The following GATB variants were observed in gnomAD, a reference collection of about 807,000 sequenced individuals.
GATB encodes glutamyl-tRNA amidotransferase subunit B.
In GATB, 39 loss-of-function variants were observed where a neutral mutation model predicts 62.3. The ratio of observed to expected loss-of-function variants is 0.63; its 90% CI spans 0.48 to 0.82. The LOEUF is 0.82. GATB is among the 40% of genes least tolerant of loss of function. The pLI is 0.00. For missense variants in GATB, 670 were observed against 684.0 expected (o/e 0.98, Z 0.23); for synonymous variants, 276 against 258.9 (o/e 1.07, Z -0.63).
At chr4:151,740,815 G>A (rs576716005) in intron 2 of GATB, among the ~76,000 whole-genome samples, 1 of 152,296 alleles carries the variant, frequency 6.6e-6, no homozygotes, top group East Asian at 1.9e-4. Flanking sequence ...ATTTCAGGCT[G>A]CGTTTTTATT....
intron 9 of GATB, among the ~76,000 whole-genome samples, chr4:151,689,377 A>G (rs1355654438): frequency 6.6e-6 from 1 of 152,134 alleles, no homozygotes; most frequent in Non-Finnish European, 1.5e-5. Flanking sequence ...TAGGCCACTT[A>G]ATAACAGGTG....
At chr4:151,691,089 C>A (rs1207866749) in intron 9 of GATB, among the ~76,000 whole-genome samples, 1 of 152,184 alleles carries the variant, frequency 6.6e-6, no homozygotes, top group African/African-American at 2.4e-5. Flanking sequence ...CTCTGGTGAA[C>A]ATGTCAGTGC....
Position 151,679,869 on chromosome 4 carries a change from C to T in GATB, c.1354G>A (p.Ala452Thr), listed in dbSNP as rs764073602. Reference protein sequence around the residue: ...SESPVTPSALAELLDLLDSRT... With the variant: ...SESPVTPSALTELLDLLDSRT... ...CTGTCCAGCAGGTCAAGAAGCTCAG[C>T]GAGTGCAGAGGGTGTGACAGGACTG... The change falls in exon 11 of 13, where the codon GCT (alanine) becomes ACT (threonine). Residue 452 changes from alanine to threonine, a missense_variant. Physicochemically the swap from Ala to Thr is moderately conservative, Grantham distance 58. Coordinates refer to ENST00000263985, the MANE Select transcript of GATB (RefSeq NM_004564.3). 14 of 1,613,890 alleles carry T rather than the reference C, an allele frequency of 8.7e-6. No individual in the cohort carries two copies. The highest frequency in any genetic ancestry group is 1.6e-4 in the Middle Eastern group (1 of 6,082).
At chr4:151,682,334 A>G (rs1044069697) in intron 10 of GATB, among the ~76,000 whole-genome samples, 3 of 152,172 alleles carry the variant, frequency 2.0e-5, no homozygotes, top group African/African-American at 7.2e-5. Flanking sequence ...GATGACAAAG[A>G]TCAGTACCTG....
chr4:151,741,392 G>A (rs1739482384), intron 2 of GATB, among the ~76,000 whole-genome samples: 1 of 152,134 alleles, frequency 6.6e-6, no homozygotes, highest in Admixed American at 6.5e-5. Context: ...ATAATTCTAA[G>A]TATAACACTG....
chr4:151,724,445 C>T (rs929932779), intron 2 of GATB: 4 of 152,218 alleles, frequency 2.6e-5, no homozygotes, highest in Non-Finnish European at 1.5e-5. Flanking sequence ...TCATGTAATT[C>T]CTCTGCTTAA....
At chr4:151,733,363 A>C (rs1177875490) in intron 2 of GATB, among the ~76,000 whole-genome samples, 2 of 152,204 alleles carry the variant, frequency 1.3e-5, no homozygotes, top group African/African-American at 4.8e-5. Context: ...AAACTAGAAA[A>C]CCTAGAAGAG....
At chr4:151,733,468 C>T (rs148800061) in intron 2 of GATB, among the ~76,000 whole-genome samples, 3 of 152,242 alleles carry the variant, frequency 2.0e-5, no homozygotes, top group East Asian at 1.9e-4. Flanking sequence ...GAGATTAAAA[C>T]GGTAATTTAA....
Position 151,670,566 on chromosome 4 carries a change from A to C in GATB, c.*608T>G, listed in dbSNP as rs1035846350. The C allele has an allele frequency of 6.6e-6, 1 of 152,168 alleles. No individual in the cohort carries two copies. The highest frequency in any genetic ancestry group is 2.4e-5 in the African/African-American group (1 of 41,416). 9.4% of individuals were successfully genotyped at this position (152,168 alleles called of 1,614,324 possible). A position where few individuals can be genotyped will look rare whatever the true frequency, so the allele number is the denominator to read the frequency against. ...GGATGGGGAGGGAGTTTAACAGGCA[A>C]TATCACTTCTACTCAGTCGATAGGT... On this transcript the variant is annotated 3_prime_UTR_variant, in exon 13 of 13. Transcript: ENST00000263985.
chr4:151,709,682 G>A lies in GATB; in HGVS notation c.764-1581C>T, dbSNP rs936895063. ...CCAAGGTGCCTCGCCCGAGGTCTCC[G>A]AACTTTAGGCTTAGGTGATAAGAGC... On this transcript the variant is annotated intron_variant, in intron 5 of 12. Coordinates refer to ENST00000263985, the MANE Select transcript of GATB (RefSeq NM_004564.3). Among the ~76,000 whole-genome samples, 4 of 152,092 alleles carry A rather than the reference G, an allele frequency of 2.6e-5. No homozygotes were observed. In the South Asian group the frequency reaches 8.3e-4, roughly 32 times the overall value.
rs1040728664 is a variant in GATB at position 151,719,342 on chromosome 4, C to T, written c.441+83G>A. ...GGCTGAAAACATGAGAGGCACAGCCCCTTTCCCTTGCTCCGACCCCCCACA... is the reference window on the plus strand; with the variant it reads ...GGCTGAAAACATGAGAGGCACAGCCTCTTTCCCTTGCTCCGACCCCCCACA... On this transcript the variant is annotated intron_variant, in intron 3 of 12. Transcript: ENST00000263985. 4.2e-6 allele frequency: 4 copies of T among 960,242 alleles called. No homozygotes were observed. The African/African-American group carries it at 4.9e-5, about 12-fold the overall frequency. The allele number at this position is 960,242 out of a possible 1,614,324, so 59.5% of individuals were successfully genotyped here.
At chr4:151,716,423 CAGGTGTATGGCACCACACCT>C in intron 4 of GATB, among the ~76,000 whole-genome samples, 1 of 152,066 alleles carries the variant, frequency 6.6e-6, no homozygotes, top group East Asian at 1.9e-4. Flanking sequence ...GCTGGGGATA[CAGGTGTATGGCACCACACCT>C]AGGTGTTAAT....
At chr4:151,723,908 C>G (rs528937129) in intron 2 of GATB, 3 of 152,000 alleles carry the variant, frequency 2.0e-5, no homozygotes, top group Non-Finnish European at 4.4e-5. Context: ...CACATAATGG[C>G]CAGGAAAAAG....
chr4:151,703,956 G>A (rs949486165), intron 7 of GATB, 61 bp from the exon 8 acceptor site: 1 of 1,183,598 alleles, frequency 8.4e-7, no homozygotes, highest in Non-Finnish European at 1.2e-6. Context: ...GCCTATATGT[G>A]GGGAAGGGCT....
At chr4:151,676,918 T>C (rs1470802951) in intron 11 of GATB, among the ~76,000 whole-genome samples, 1 of 152,060 alleles carries the variant, frequency 6.6e-6, no homozygotes, top group East Asian at 1.9e-4. Context: ...CACAAGGAAG[T>C]GGGTGAGAGA....
At chr4:151,680,383 T>C (rs1462919140) in intron 10 of GATB, among the ~76,000 whole-genome samples, 1 of 152,108 alleles carries the variant, frequency 6.6e-6, no homozygotes, top group Non-Finnish European at 1.5e-5. Context: ...ACACAATGAC[T>C]ACCAGCCACA....
Position 151,730,842 on chromosome 4 carries a change from C to T in GATB, c.328-11304G>A, listed in dbSNP as rs1578928363. 1.3e-5 allele frequency among the ~76,000 whole-genome samples: 2 copies of T among 152,310 alleles called. No homozygotes were observed. The highest frequency in any genetic ancestry group is 1.9e-4 in the East Asian group (1 of 5,178). On this transcript the variant is annotated intron_variant, in intron 2 of 12. Transcript: ENST00000263985. This position sits in a 1 kb window ranked among gnomAD's most constrained non-coding sequence, Gnocchi z 4.1. ...AAATGAGAAGGAACGAGAAAACCAA[C>T]GCTGGTAATATGACAAAACAAGGCT...
In GATB at chr4:151,699,157, A is replaced by G. The variant is rs1195623904; in HGVS notation, c.1197+2172T>C. Among the ~76,000 whole-genome samples the G allele has an allele frequency of 2.6e-5, 4 of 152,328 alleles. No individual in the cohort carries two copies. In the East Asian group the frequency reaches 7.7e-4, roughly 29 times the overall value. ...GTAATCCCAGCACTTTGGGAGGCAG[A>G]GGCAGGCGGATCACTTGAGGCCAGG... On this transcript the variant is annotated intron_variant, in intron 9 of 12. Transcript: ENST00000263985.
intron 5 of GATB, among the ~76,000 whole-genome samples, chr4:151,712,630 C>T (rs922084046): frequency 9.2e-5 from 14 of 151,936 alleles, no homozygotes; most frequent in Non-Finnish European, 2.9e-5. Flanking sequence ...CTGAAAATAA[C>T]AAGGTTTGAC....
Sources: allele counts gnomAD v4.1 joint callset (sites outside exome capture counted in the v4.1 genomes callset), GRCh38; gene constraint gnomAD v4.1.1; non-coding constraint Gnocchi (gnomAD v3.1); transcripts MANE v1.5; gene names NCBI Gene and HGNC (gene_info 2026-07-23, HGNC 2026-07-21).